Variants in GRID2 observed in about 807,000 individuals in gnomAD.
GRID2 encodes the protein glutamate ionotropic receptor delta type subunit 2, also known as glutamate receptor ionotropic, delta-2.
A neutral mutation model predicts 114.8 loss-of-function variants in GRID2; 33 were observed. The observed-to-expected ratio is 0.29, with a 90% CI of 0.22 to 0.38. The LOEUF is 0.38. GRID2 is among the 10% of genes least tolerant of loss of function. The probability of loss-of-function intolerance (pLI) is 1.00; values close to 1 mark genes in which losing one functional copy is unlikely to be tolerated. For synonymous variants in GRID2, 505 were observed against 449.9 expected (o/e 1.12, Z -1.55); for missense variants, 1,184 against 1,257.7 (o/e 0.94, Z 0.89).
At chr4:93,389,651 T>C (rs1208795004) in intron 8 of GRID2, among the ~76,000 whole-genome samples, 2 of 152,122 alleles carry the variant, frequency 1.3e-5, no homozygotes, top group African/African-American at 2.4e-5. Context: ...ATATTTATTA[T>C]AAAAAATAGT....
At chr4:92,573,251 T>TGTTGATC (rs1380119777) in intron 1 of GRID2, among the ~76,000 whole-genome samples, 1 of 148,028 alleles carries the variant, frequency 6.8e-6, no homozygotes, top group Non-Finnish European at 1.5e-5. Flanking sequence ...CTATTTTATT[T>TGTTGATC]TTTTCAAAAA....
In GRID2 at chr4:93,679,883, C is replaced by A. The variant is rs570615474; in HGVS notation, c.2360+53448C>A. ...ATTAAAAGAACTAGAAAAGCAAGAG[C>A]AAACACATTCAAAAGCCAGAAGAAG... On this transcript the variant is annotated intron_variant, in intron 14 of 15. Coordinates refer to ENST00000282020, the MANE Select transcript of GRID2 (RefSeq NM_001510.4). Among the ~76,000 whole-genome samples, 51 of 150,984 alleles carry A rather than the reference C, an allele frequency of 3.4e-4. 2 individuals carry two copies. The highest frequency in any genetic ancestry group is 7.1e-4 in the African/African-American group (29 of 40,692).
intron 2 of GRID2, among the ~76,000 whole-genome samples, chr4:92,722,697 CTA>C (rs995685535): frequency 6.6e-6 from 1 of 152,016 alleles, no homozygotes; most frequent in African/African-American, 2.4e-5. Flanking sequence ...CCAAGTGACT[CTA>C]TTAATTTGGA....
intron 13 of GRID2, among the ~76,000 whole-genome samples, chr4:93,564,436 G>T (rs1291725056): frequency 1.3e-5 from 2 of 151,898 alleles, no homozygotes; most frequent in Non-Finnish European, 2.9e-5. Context: ...AGTTAAGGTC[G>T]CACTGAGTGC....
At chr4:92,499,328 C>A (rs1476124079) in intron 1 of GRID2, among the ~76,000 whole-genome samples, 1 of 152,074 alleles carries the variant, frequency 6.6e-6, no homozygotes, top group Non-Finnish European at 1.5e-5. Flanking sequence ...TGATCTTTGG[C>A]AAGATTTCTT....
rs528834740 is a variant in GRID2 at position 92,393,184 on chromosome 4, G to C, written c.88+88440G>C. Reference sequence around the variant, plus strand: ...TCTAGTGAGAACTCACTATTATATAGGTAGGACCAATCCATGAGGGATCCA... The same window carrying C: ...TCTAGTGAGAACTCACTATTATATACGTAGGACCAATCCATGAGGGATCCA... On this transcript the variant is annotated intron_variant, in intron 1 of 15. Transcript: ENST00000282020. Among the ~76,000 whole-genome samples, 5 of 152,210 alleles carry C rather than the reference G, an allele frequency of 3.3e-5. No individual in the cohort carries two copies. The East Asian group carries it at 9.7e-4, about 29-fold the overall frequency.
chr4:92,742,584 T>A (rs1736946337), intron 2 of GRID2, among the ~76,000 whole-genome samples: 1 of 152,192 alleles, frequency 6.6e-6, no homozygotes, highest in African/African-American at 2.4e-5. Context: ...CCTGCATACA[T>A]CTCTGTCTGT....
intron 2 of GRID2, among the ~76,000 whole-genome samples, chr4:92,934,304 G>A (rs6856459): frequency 5.9e-5 from 9 of 151,752 alleles, no homozygotes; most frequent in African/African-American, 2.2e-4. Context: ...AATTGGGAAT[G>A]GGAGTTCACT....
intron 2 of GRID2, among the ~76,000 whole-genome samples, chr4:92,934,949 A>G (rs1214879362): frequency 3.4e-5 from 5 of 146,700 alleles, no homozygotes; most frequent in African/African-American, 9.7e-5. Flanking sequence ...AAGAAAACCT[A>G]GGCATTACCA....
chr4:93,164,128 G>A (rs2149412367), intron 4 of GRID2, among the ~76,000 whole-genome samples: 1 of 151,888 alleles, frequency 6.6e-6, no homozygotes, highest in Admixed American at 6.6e-5. Context: ...GATGAGAGAT[G>A]TGTGACAGGC....
At chr4:93,137,594 T>C (rs1735379303) in intron 4 of GRID2, among the ~76,000 whole-genome samples, 2 of 152,186 alleles carry the variant, frequency 1.3e-5, no homozygotes, top group Admixed American at 1.3e-4. Context: ...GATGCACAAA[T>C]GAACCTTGTA....
At chr4:92,374,936 C>T (rs1729285586) in intron 1 of GRID2, among the ~76,000 whole-genome samples, 1 of 151,932 alleles carries the variant, frequency 6.6e-6, no homozygotes, top group Admixed American at 6.6e-5. Context: ...GTAAACATAC[C>T]ATACCTGAGA....
intron 11 of GRID2, among the ~76,000 whole-genome samples, chr4:93,481,461 C>T (rs1725855054): frequency 6.6e-6 from 1 of 152,074 alleles, no homozygotes; most frequent in Admixed American, 6.6e-5. Flanking sequence ...AAAGAGAGTT[C>T]TTCAAAACTG....
chr4:93,585,827 A>G (rs1160952081), intron 13 of GRID2, among the ~76,000 whole-genome samples: 1 of 152,100 alleles, frequency 6.6e-6, no homozygotes, highest in South Asian at 2.1e-4. Flanking sequence ...TTCATAACAC[A>G]CATTTTCTAT....
chr4:93,740,023 C>A (rs990724874), intron 14 of GRID2, among the ~76,000 whole-genome samples: 1 of 152,148 alleles, frequency 6.6e-6, no homozygotes, highest in Non-Finnish European at 1.5e-5. Context: ...AATAGTCATG[C>A]ATGACATAAT....
intron 13 of GRID2, among the ~76,000 whole-genome samples, chr4:93,618,642 A>T (rs564737329): frequency 3.3e-5 from 5 of 152,214 alleles, no homozygotes; most frequent in Non-Finnish European, 7.3e-5. Context: ...ATTAATGGTA[A>T]CAAATATCTA....
In GRID2 at chr4:93,706,842, G is replaced by A. The variant is rs555867078; in HGVS notation, c.2361-62368G>A. On this transcript the variant is annotated intron_variant, in intron 14 of 15. Coordinates refer to ENST00000282020, the MANE Select transcript of GRID2 (RefSeq NM_001510.4). Reference sequence around the variant, plus strand: ...TTTCCCATTCAGTATAATATTAGCTGTAGGTTTGTCATATATAGCTTTTAT... The same window carrying A: ...TTTCCCATTCAGTATAATATTAGCTATAGGTTTGTCATATATAGCTTTTAT... Among the ~76,000 whole-genome samples the A allele has an allele frequency of 3.9e-5, 6 of 152,204 alleles. No homozygotes were observed. The South Asian group carries it at 1.0e-3, about 26-fold the overall frequency.
chr4:93,193,347 G>A (rs987069550), intron 4 of GRID2, among the ~76,000 whole-genome samples: 8 of 152,002 alleles, frequency 5.3e-5, no homozygotes, highest in South Asian at 2.1e-4. Context: ...TAATCCCCAC[G>A]TGTCATGGGA....
At chr4:93,589,727 T>G (rs1369601309) in intron 13 of GRID2, among the ~76,000 whole-genome samples, 2 of 152,290 alleles carry the variant, frequency 1.3e-5, no homozygotes, top group East Asian at 3.9e-4. Flanking sequence ...GTTTCCTGAC[T>G]TTTTAATGAT....
Sources: gnomAD v4.1 joint callset for allele counts (sites outside exome capture counted in the v4.1 genomes callset) on GRCh38, gnomAD v4.1.1 for gene constraint, MANE v1.5 for transcripts, NCBI Gene and HGNC (gene_info 2026-07-23, HGNC 2026-07-21) for gene names.